The following CDK8 variants were observed in gnomAD, a reference collection of about 807,000 sequenced individuals.
CDK8 encodes the protein cyclin-dependent kinase 8.
In CDK8, 29 loss-of-function variants were observed where a neutral mutation model predicts 71.5. The ratio of observed to expected loss-of-function variants is 0.41; its 90% confidence interval spans 0.30 to 0.55. The LOEUF (loss-of-function observed/expected upper bound fraction) is 0.55. Among genes scored for constraint, CDK8 ranks in the 20% least tolerant of loss-of-function variants. CDK8 has a pLI of 0.37. For synonymous variants in CDK8, 161 were observed against 192.1 expected (o/e 0.84, Z 1.34); for missense variants, 288 against 572.6 (o/e 0.50, Z 5.07).
Position 26,263,409 on chromosome 13 carries a change from C to T in CDK8, c.128+8640C>T, listed in dbSNP as rs569899788. 5.3e-5 allele frequency among the ~76,000 whole-genome samples: 8 copies of T among 152,258 alleles called. No individual in the cohort carries two copies. In the East Asian group the frequency reaches 9.7e-4, roughly 18 times the overall value. On this transcript the variant is annotated intron_variant, in intron 1 of 12. Transcript: ENST00000381527. The stretch of plus-strand genomic sequence containing the variant: ...CTCAGCCTCCCAAGTGCTGGGATTA[C>T]AGGCGTGAGCCACCGCGCCCGGCCG...
chr13:26,395,910 C>T (rs1194071403), intron 7 of CDK8, among the ~76,000 whole-genome samples: 1 of 152,108 alleles, frequency 6.6e-6, no homozygotes, highest in Admixed American at 6.5e-5. Flanking sequence ...TGATTGCTGA[C>T]TTAACCAAGA....
chr13:26,351,509 T>A (rs1873679060), intron 3 of CDK8, among the ~76,000 whole-genome samples: 1 of 152,202 alleles, frequency 6.6e-6, no homozygotes, highest in African/African-American at 2.4e-5. Context: ...TTTTCCAGGC[T>A]GGTTTATAAA....
At chr13:26,374,120 GA>G in intron 4 of CDK8, among the ~76,000 whole-genome samples, 1 of 151,824 alleles carries the variant, frequency 6.6e-6, no homozygotes. Context: ...AGAATGGCGT[GA>G]ACCTGGGAGG....
At chr13:26,298,665 G>T (rs557829503) in intron 1 of CDK8, among the ~76,000 whole-genome samples, 1 of 152,212 alleles carries the variant, frequency 6.6e-6, no homozygotes, top group South Asian at 2.1e-4. Flanking sequence ...CACAGCAGGG[G>T]ATTAGTTGTG....
intron 1 of CDK8, among the ~76,000 whole-genome samples, chr13:26,310,468 C>A (rs936989043): frequency 3.9e-5 from 6 of 152,030 alleles, no homozygotes; most frequent in African/African-American, 1.5e-4. Context: ...TGTTTTCCTG[C>A]AACTAGATGG....
chr13:26,328,168 A>G (rs1321418726), intron 1 of CDK8, among the ~76,000 whole-genome samples: 4 of 152,164 alleles, frequency 2.6e-5, no homozygotes, highest in African/African-American at 9.7e-5. Flanking sequence ...CCCCCTTAAT[A>G]ATCATCATAC....
intron 1 of CDK8, among the ~76,000 whole-genome samples, chr13:26,300,802 T>A (rs1360359150): frequency 3.9e-5 from 6 of 152,220 alleles, no homozygotes; most frequent in Non-Finnish European, 5.9e-5. Context: ...CAGGTATTGA[T>A]TATCCCGCTC....
At chr13:26,380,562 C>T (rs558063306) in intron 4 of CDK8, among the ~76,000 whole-genome samples, 8 of 151,980 alleles carry the variant, frequency 5.3e-5, no homozygotes, top group Non-Finnish European at 7.4e-5. Context: ...TGGCTCACTG[C>T]GGTCTCCACC....
At chr13:26,365,873 T>A (rs1874364543) in intron 4 of CDK8, among the ~76,000 whole-genome samples, 1 of 152,082 alleles carries the variant, frequency 6.6e-6, no homozygotes, top group Non-Finnish European at 1.5e-5. Context: ...GTTTTTCTCT[T>A]TTGACCTTTG....
intron 9 of CDK8, among the ~76,000 whole-genome samples, chr13:26,399,487 G>C (rs1017860253): frequency 2.0e-5 from 3 of 152,180 alleles, no homozygotes; most frequent in African/African-American, 7.2e-5. Flanking sequence ...AAGTTCTCCA[G>C]GTGATTCTCA....
chr13:26,274,518 G>T (rs1198033350), intron 1 of CDK8, among the ~76,000 whole-genome samples: 1 of 151,042 alleles, frequency 6.6e-6, no homozygotes, highest in African/African-American at 2.4e-5. Flanking sequence ...TGCAAGCTCT[G>T]CCTCTTGGGT....
intron 1 of CDK8, among the ~76,000 whole-genome samples, chr13:26,319,171 A>G (rs1272467424): frequency 6.6e-6 from 1 of 152,170 alleles, no homozygotes; most frequent in Non-Finnish European, 1.5e-5. Flanking sequence ...TAATAGCATC[A>G]AAAAGAATAA....
chr13:26,361,966 G>C (rs750123899), intron 4 of CDK8, among the ~76,000 whole-genome samples: 1 of 151,354 alleles, frequency 6.6e-6, no homozygotes, highest in Non-Finnish European at 1.5e-5. Context: ...CTTATTATTG[G>C]CTGTGTTTTA....
At chr13:26,389,760 G>A (rs1875657171) in intron 6 of CDK8, among the ~76,000 whole-genome samples, 1 of 152,046 alleles carries the variant, frequency 6.6e-6, no homozygotes, top group African/African-American at 2.4e-5. Context: ...CACTTTGGGA[G>A]GCCAAGGTGG....
chr13:26,374,954 G>A (rs1368358040), intron 4 of CDK8, among the ~76,000 whole-genome samples: 1 of 151,974 alleles, frequency 6.6e-6, no homozygotes, highest in African/African-American at 2.4e-5. Context: ...TGTTTTCAAG[G>A]CATTTTTTTT....
chr13:26,282,803 C>T (rs1872813453), intron 1 of CDK8, among the ~76,000 whole-genome samples: 1 of 152,186 alleles, frequency 6.6e-6, no homozygotes, highest in African/African-American at 2.4e-5. Flanking sequence ...AACTAAGTAT[C>T]TGCTGTCTTC....
chr13:26,302,450 G>C (rs1445853041), intron 1 of CDK8, among the ~76,000 whole-genome samples: 2 of 152,148 alleles, frequency 1.3e-5, no homozygotes, highest in Admixed American at 6.6e-5. Context: ...GATTCATTTG[G>C]AAGGGTCTTT....
intron 4 of CDK8, among the ~76,000 whole-genome samples, chr13:26,357,127 A>G (rs769419582): frequency 1.3e-5 from 2 of 152,196 alleles, no homozygotes; most frequent in Non-Finnish European, 2.9e-5. Flanking sequence ...TGTATAGTTG[A>G]GCTTTTAAAA....
Position 26,375,194 on chromosome 13 carries a change from C to T in CDK8, c.457-7620C>T, listed in dbSNP as rs1041355040. Among the ~76,000 whole-genome samples, 5 of 152,150 alleles carry T rather than the reference C, an allele frequency of 3.3e-5. No homozygotes were observed. The South Asian group carries it at 6.2e-4, about 19-fold the overall frequency. On this transcript the variant is annotated intron_variant, in intron 4 of 12. Coordinates refer to ENST00000381527, the MANE Select transcript of CDK8 (RefSeq NM_001260.3). ...AAAAACCAAAAAGATTACTCCAGAA[C>T]GTTTAAAGTGATCATTGTTAGTTCA...
Sources: allele counts gnomAD v4.1 joint callset (sites outside exome capture counted in the v4.1 genomes callset), GRCh38; gene constraint gnomAD v4.1.1; transcripts MANE v1.5; gene names NCBI Gene and HGNC (gene_info 2026-07-23, HGNC 2026-07-21).